NRG1: variants seen among roughly 807,000 people sequenced by gnomAD.
NRG1 encodes neuregulin 1.
In NRG1, 18 loss-of-function variants were observed where a neutral mutation model predicts 63.8. That is an observed-to-expected ratio of 0.28 (90% CI 0.19 to 0.42). The LOEUF (loss-of-function observed/expected upper bound fraction) is 0.42. Ranked by LOEUF, NRG1 falls within the 10% of genes least tolerant of loss-of-function variation. The pLI is 1.00. For missense variants in NRG1, 762 were observed against 814.7 expected (o/e 0.94, Z 0.79); for synonymous variants, 302 against 301.3 (o/e 1.00, Z -0.02).
chr8:32,433,152 C>T (rs887602686), intron 1 of NRG1, among the ~76,000 whole-genome samples: 5 of 152,136 alleles, frequency 3.3e-5, no homozygotes, highest in East Asian at 1.9e-4. Flanking sequence ...GTAGGACATA[C>T]TGGGGCCCTG....
At chr8:31,831,707 G>A (rs1395692266) in intron 1 of NRG1, among the ~76,000 whole-genome samples, 1 of 152,116 alleles carries the variant, frequency 6.6e-6, no homozygotes, top group Non-Finnish European at 1.5e-5. Flanking sequence ...TTCCCAGTGG[G>A]AAGGAAGACT....
At chr8:32,284,959 G>T (rs147112374) in intron 1 of NRG1, among the ~76,000 whole-genome samples, 1 of 152,254 alleles carries the variant, frequency 6.6e-6, no homozygotes, top group Non-Finnish European at 1.5e-5. Flanking sequence ...ACTTGGTTTT[G>T]GTGGTGGATA....
intron 1 of NRG1, among the ~76,000 whole-genome samples, chr8:31,653,496 T>A (rs1363122536): frequency 6.6e-6 from 1 of 152,184 alleles, no homozygotes; most frequent in Admixed American, 6.5e-5. Context: ...AAACCTCACC[T>A]CCAGACCAAA....
At chr8:32,768,394 T>C (rs551066469), downstream of NRG1, among the ~76,000 whole-genome samples, 2 of 152,320 alleles carry the variant, frequency 1.3e-5, no homozygotes, top group South Asian at 2.1e-4. Flanking sequence ...CAATGGCCCA[T>C]AGTGGCCTAA....
intron 1 of NRG1, among the ~76,000 whole-genome samples, chr8:32,281,067 G>C (rs909762490): frequency 3.3e-5 from 5 of 151,610 alleles, no homozygotes; most frequent in Non-Finnish European, 7.4e-5. Context: ...TTTACGTTCA[G>C]ATGGCACATG....
intron 1 of NRG1, among the ~76,000 whole-genome samples, chr8:31,957,623 A>C (rs1169958233): frequency 1.3e-5 from 2 of 148,886 alleles, no homozygotes; most frequent in Non-Finnish European, 2.9e-5. Flanking sequence ...TGTTAATGAG[A>C]TATTTTGAAT....
intron 1 of NRG1, among the ~76,000 whole-genome samples, chr8:32,315,407 A>C (rs1857271486): frequency 6.6e-6 from 1 of 152,156 alleles, no homozygotes. Context: ...AAAGCACTGG[A>C]TATCATTCCT....
intron 1 of NRG1, among the ~76,000 whole-genome samples, chr8:31,741,731 G>A (rs918435525): frequency 6.6e-6 from 1 of 152,000 alleles, no homozygotes; most frequent in Non-Finnish European, 1.5e-5. Flanking sequence ...TGGGTAGGAT[G>A]AGAAGCAATA....
chr8:32,198,133 C>T (rs1188424101), intron 1 of NRG1, among the ~76,000 whole-genome samples: 2 of 152,158 alleles, frequency 1.3e-5, no homozygotes, highest in East Asian at 3.9e-4. Context: ...CTTGATCATC[C>T]TGTACTTGGT....
At chr8:31,845,296 A>G (rs1826585958) in intron 1 of NRG1, among the ~76,000 whole-genome samples, 1 of 152,108 alleles carries the variant, frequency 6.6e-6, no homozygotes, top group Admixed American at 6.5e-5. Flanking sequence ...ATAGCTTGTT[A>G]GGGAAAATCC....
In NRG1 at chr8:32,711,585, A is replaced by G. The variant is rs577997151; in HGVS notation, c.503-16364A>G. On this transcript the variant is annotated intron_variant, in intron 5 of 11. Transcript: ENST00000356819. ...TGCTACACTATGAAGTTATGCTGTA[A>G]TGTTACGCTATGAATTTGTTGTGCT... is the stretch of plus-strand genomic sequence containing the variant. Among the ~76,000 whole-genome samples, 7 of 152,314 alleles carry G rather than the reference A, an allele frequency of 4.6e-5. No individual in the cohort carries two copies. The East Asian group carries it at 1.4e-3, about 29-fold the overall frequency.
At chr8:32,470,795 T>C (rs1255241112) in intron 1 of NRG1, among the ~76,000 whole-genome samples, 1 of 151,740 alleles carries the variant, frequency 6.6e-6, no homozygotes, top group African/African-American at 2.4e-5. Context: ...CCTACCCTCG[T>C]TGGGTCTTTT....
chr8:32,485,123 T>TA (rs1188937265), intron 1 of NRG1, among the ~76,000 whole-genome samples: 1 of 22,204 alleles, frequency 4.5e-5, no homozygotes, highest in Non-Finnish European at 1.0e-4. Flanking sequence ...TTTCTTTTTC[T>TA]TTTTTTTTGA....
intron 1 of NRG1, among the ~76,000 whole-genome samples, chr8:32,554,224 T>TAC (rs1196610648): frequency 6.6e-6 from 1 of 152,180 alleles, no homozygotes; most frequent in Non-Finnish European, 1.5e-5. Flanking sequence ...CTAAGGTACA[T>TAC]ACAATGAAGT....
At chr8:32,246,733 A>G (rs1848620913) in intron 1 of NRG1, among the ~76,000 whole-genome samples, 1 of 152,150 alleles carries the variant, frequency 6.6e-6, no homozygotes, top group South Asian at 2.1e-4. Context: ...AAAAACAAAG[A>G]TAGTATGTTC....
chr8:31,855,912 CT>C lies in NRG1; in HGVS notation c.37+216485del, dbSNP rs1276614784. 3.3e-5 allele frequency among the ~76,000 whole-genome samples: 5 copies of C among 150,680 alleles called. No individual in the cohort carries two copies. In the East Asian group the frequency reaches 9.8e-4, roughly 30 times the overall value. ...GATATGAAATTCTGGGTTGAAAATT[CT>C]TTTCTTTAAGAATGTTGAATATTGG... is the stretch of plus-strand genomic sequence containing the variant. On this transcript the variant is annotated intron_variant, in intron 1 of 10. Coordinates refer to the NRG1 transcript ENST00000519301.
At chr8:31,884,382 C>A (rs1830566411) in intron 1 of NRG1, among the ~76,000 whole-genome samples, 1 of 152,050 alleles carries the variant, frequency 6.6e-6, no homozygotes, top group African/African-American at 2.4e-5. Flanking sequence ...AGTCAACAAC[C>A]ATTTTTGATC....
chr8:31,780,620 C>G lies in NRG1; in HGVS notation c.37+141189C>G, dbSNP rs1326802627. On this transcript the variant is annotated intron_variant, in intron 1 of 10. Transcript: ENST00000519301. ...TTTCTGAGACATTCTATCTTCATTT[C>G]TGATTGATTTTCAATTAGCAAAGGT... Among the ~76,000 whole-genome samples the G allele has an allele frequency of 2.0e-5, 3 of 152,254 alleles. No individual in the cohort carries two copies. In the East Asian group the frequency reaches 5.8e-4, roughly 29 times the overall value.
At chr8:32,537,211 A>G (rs1028843299) in intron 1 of NRG1, among the ~76,000 whole-genome samples, 1 of 149,564 alleles carries the variant, frequency 6.7e-6, no homozygotes, top group African/African-American at 2.5e-5. Flanking sequence ...AAAAAAAAAA[A>G]AAAAAAAAAG....
Sources: gnomAD v4.1 joint callset for allele counts (sites outside exome capture counted in the v4.1 genomes callset) on GRCh38, gnomAD v4.1.1 for gene constraint, MANE v1.5 for transcripts, NCBI Gene and HGNC (gene_info 2026-07-23, HGNC 2026-07-21) for gene names.